FOXN2: variants seen among roughly 807,000 people sequenced by gnomAD.
The protein encoded by FOXN2 is forkhead box N2, also known as forkhead box protein N2.
Under a neutral mutation model 41.2 loss-of-function variants are expected in FOXN2, and 19 were observed. The observed-to-expected ratio is 0.46, with a 90% CI of 0.32 to 0.68. FOXN2 has a LOEUF of 0.68. FOXN2 is among the 30% of genes least tolerant of loss of function. The pLI is 0.03. For synonymous variants in FOXN2, 195 were observed against 176.8 expected (o/e 1.10, Z -0.82); for missense variants, 587 against 509.4 (o/e 1.15, Z -1.47).
intron 3 of FOXN2, among the ~76,000 whole-genome samples, chr2:48,357,234 A>G (rs1039721370): frequency 2.6e-5 from 4 of 152,180 alleles, no homozygotes; most frequent in African/African-American, 9.7e-5. Flanking sequence ...TTTCAATACC[A>G]GTTTTTCCAA....
intron 2 of FOXN2, among the ~76,000 whole-genome samples, chr2:48,333,174 C>A (rs1052273068): frequency 6.6e-6 from 1 of 151,968 alleles, no homozygotes; most frequent in African/African-American, 2.4e-5. Context: ...ACAACAGAGC[C>A]ATGCATGTAG....
At chr2:48,334,893 A>G (rs2104266318) in intron 2 of FOXN2, among the ~76,000 whole-genome samples, 1 of 152,302 alleles carries the variant, frequency 6.6e-6, no homozygotes, top group South Asian at 2.1e-4. Context: ...CTGCAAATCG[A>G]AAAAATGTCA....
intron 1 of FOXN2, among the ~76,000 whole-genome samples, chr2:48,323,738 C>T (rs1669489310): frequency 6.6e-6 from 1 of 152,034 alleles, no homozygotes; most frequent in African/African-American, 2.4e-5. Context: ...ATTAAGGTCT[C>T]ATTTGTCTGT....
Position 48,337,927 on chromosome 2 carries a change from A to G in FOXN2, c.-14-8274A>G, listed in dbSNP as rs933945484. 1.3e-5 allele frequency among the ~76,000 whole-genome samples: 2 copies of G among 152,134 alleles called. 1 individual carries two copies. Among genetic ancestry groups the G allele is most frequent in the South Asian group, 4.1e-4 (2 of 4,828 alleles). On this transcript the variant is annotated intron_variant, in intron 2 of 6. Coordinates refer to ENST00000340553, the MANE Select transcript of FOXN2 (RefSeq NM_002158.4). ...CCTTAGTATTTGATATAGAAAGCAGACCCCAAAAAAAGATTAGTAGGAATA... is the reference window on the plus strand; with the variant it reads ...CCTTAGTATTTGATATAGAAAGCAGGCCCCAAAAAAAGATTAGTAGGAATA...
chr2:48,326,200 G>A (rs1337255910), intron 1 of FOXN2, among the ~76,000 whole-genome samples: 1 of 152,134 alleles, frequency 6.6e-6, no homozygotes, highest in Non-Finnish European at 1.5e-5. Flanking sequence ...ATAGCAGTTA[G>A]CCAGGGTTAG....
intron 3 of FOXN2, among the ~76,000 whole-genome samples, chr2:48,349,772 TAAATA>T (rs1348991656): frequency 6.6e-6 from 1 of 151,402 alleles, no homozygotes; most frequent in Non-Finnish European, 1.5e-5. Context: ...AAAAAATAAA[TAAATA>T]AAATGTGACA....
At chr2:48,339,892 A>T (rs1315718213) in intron 2 of FOXN2, among the ~76,000 whole-genome samples, 1 of 152,250 alleles carries the variant, frequency 6.6e-6, no homozygotes, top group Non-Finnish European at 1.5e-5. Flanking sequence ...CCTTAAAAGT[A>T]TAAGAAATTA....
Position 48,346,385 on chromosome 2 carries a change from A to G in FOXN2, c.171A>G (p.Thr57=). 6.2e-7 allele frequency: 1 copy of G among 1,614,228 alleles called. No homozygotes were observed. The highest frequency in any genetic ancestry group is 2.2e-5 in the East Asian group (1 of 44,882). ...GTGAGTCAGCAGATGATGAACTCACAAACTTGAACTGGCTTCATGAAAGCA... is the reference window on the plus strand; with the variant it reads ...GTGAGTCAGCAGATGATGAACTCACGAACTTGAACTGGCTTCATGAAAGCA... ...VDSESADDEL[T]NLNWLHESTN... is the part of the protein sequence containing the mutation. Residue 57 remains threonine, a synonymous_variant, in exon 3 of 7, where the codon ACA becomes ACG. Coordinates refer to ENST00000340553, the MANE Select transcript of FOXN2 (RefSeq NM_002158.4).
intron 1 of FOXN2, among the ~76,000 whole-genome samples, chr2:48,320,823 C>G (rs527409794): frequency 1.1e-4 from 17 of 152,210 alleles, no homozygotes; most frequent in African/African-American, 3.9e-4. Context: ...GGGAGAGAAA[C>G]TAATATTTAT....
chr2:48,321,757 A>T (rs1669336199), intron 1 of FOXN2, among the ~76,000 whole-genome samples: 1 of 152,188 alleles, frequency 6.6e-6, no homozygotes, highest in African/African-American at 2.4e-5. Context: ...AAATTTTAGT[A>T]CATTATACAT....
chr2:48,376,709 T>C lies in FOXN2; in HGVS notation c.*1266T>C, dbSNP rs902366482. The C allele has an allele frequency of 1.3e-5, 2 of 152,542 alleles. No homozygotes were observed. The highest frequency in any genetic ancestry group is 4.8e-5 in the African/African-American group (2 of 41,470). 9.4% of individuals were successfully genotyped at this position (152,542 alleles called of 1,614,324 possible). On this transcript the variant is annotated 3_prime_UTR_variant, in exon 7 of 7. Coordinates refer to ENST00000340553, the MANE Select transcript of FOXN2 (RefSeq NM_002158.4). ...GCTTATATGAGACAGTTTTTCATAG[T>C]ATCATTTGTATAATTTGATTAGATT... is the stretch of plus-strand genomic sequence containing the variant.
intron 1 of FOXN2, among the ~76,000 whole-genome samples, chr2:48,319,153 C>CTTT (rs201975434): frequency 7.0e-6 from 1 of 143,766 alleles, no homozygotes; most frequent in African/African-American, 2.5e-5. Flanking sequence ...ACTCAAAAGC[C>CTTT]TTTTTTTTTT....
rs1481550307 is a variant in FOXN2 at position 48,377,755 on chromosome 2, T to C, written c.*2312T>C. The C allele has an allele frequency of 6.6e-6, 1 of 152,088 alleles. No homozygotes were observed. The highest frequency in any genetic ancestry group is 1.5e-5 in the Non-Finnish European group (1 of 67,928). The allele number at this position is 152,088 out of a possible 1,614,324, so 9.4% of individuals were successfully genotyped here. A position where few individuals can be genotyped will look rare whatever the true frequency, so the allele number is the denominator to read the frequency against. ...AGTTTCTTAAACATAATTTAATGCATCACCTTCCACTTGCTAACATACCAA... is the reference window on the plus strand; with the variant it reads ...AGTTTCTTAAACATAATTTAATGCACCACCTTCCACTTGCTAACATACCAA... On this transcript the variant is annotated 3_prime_UTR_variant, in exon 7 of 7. Transcript: ENST00000340553.
chr2:48,379,115 C>A lies in FOXN2; in HGVS notation c.*3672C>A, dbSNP rs1210777034. On this transcript the variant is annotated 3_prime_UTR_variant, in exon 7 of 7. Coordinates refer to ENST00000340553, the MANE Select transcript of FOXN2 (RefSeq NM_002158.4). ...TTGAGTTATAACTGCCAGTAGATGA[C>A]CAGTCACAAGTGAACCACTTCTCAG... 6.6e-6 allele frequency: 1 copy of A among 152,516 alleles called. No individual in the cohort carries two copies. The highest frequency in any genetic ancestry group is 2.4e-5 in the African/African-American group (1 of 41,410). 9.4% of individuals were successfully genotyped at this position (152,516 alleles called of 1,614,324 possible). A position where few individuals can be genotyped will look rare whatever the true frequency, so the allele number is the denominator to read the frequency against.
Position 48,324,227 on chromosome 2 carries a change from C to T in FOXN2, c.-156-4334C>T, listed in dbSNP as rs183131380. ...TTTTTTTTTTTGTGACAGAGTTTCGCTCTGTCTCCCAGGCCTGGAGTACAG... is the reference window on the plus strand; with the variant it reads ...TTTTTTTTTTTGTGACAGAGTTTCGTTCTGTCTCCCAGGCCTGGAGTACAG... On this transcript the variant is annotated intron_variant, in intron 1 of 6. Transcript: ENST00000340553. 2.3e-4 allele frequency among the ~76,000 whole-genome samples: 25 copies of T among 107,248 alleles called. No individual in the cohort carries two copies. The East Asian group carries it at 6.8e-3, about 29-fold the overall frequency. 70.4% of individuals were successfully genotyped at this position (107,248 alleles called of 152,430 possible).
upstream of FOXN2, among the ~76,000 whole-genome samples, chr2:48,314,377 C>T (rs779848325): frequency 8.5e-4 from 130 of 152,246 alleles, no homozygotes; most frequent in Non-Finnish European, 1.4e-3. Flanking sequence ...AGCCCTAAAC[C>T]CGCACCGGCC....
chr2:48,369,587 T>A (rs925676417), intron 5 of FOXN2, among the ~76,000 whole-genome samples: 1 of 152,180 alleles, frequency 6.6e-6, no homozygotes, highest in Admixed American at 6.5e-5. Context: ...AGTAAGTATA[T>A]TTTATAGGTG....
chr2:48,316,201 A>G (rs1379517337), intron 1 of FOXN2, among the ~76,000 whole-genome samples: 1 of 151,752 alleles, frequency 6.6e-6, no homozygotes, highest in Non-Finnish European at 1.5e-5. Flanking sequence ...TACCTCTGTT[A>G]CCTTGCAGTT....
intron 1 of FOXN2, among the ~76,000 whole-genome samples, chr2:48,317,540 G>T: frequency 7.1e-6 from 1 of 140,262 alleles, no homozygotes. Context: ...TTGGTCACAT[G>T]TGACTTCAAA....
Sources: gnomAD v4.1 joint callset for allele counts (sites outside exome capture counted in the v4.1 genomes callset) on GRCh38, gnomAD v4.1.1 for gene constraint, MANE v1.5 for transcripts, NCBI Gene and HGNC (gene_info 2026-07-23, HGNC 2026-07-21) for gene names.